Variants in RELN observed in about 807,000 individuals in gnomAD.
The protein encoded by RELN is reelin.
A neutral mutation model predicts 427.6 loss-of-function variants in RELN; 108 were observed. The ratio of observed to expected loss-of-function variants is 0.25; its 90% CI spans 0.22 to 0.30. The LOEUF is 0.30. Among genes scored for constraint, RELN ranks in the 10% least tolerant of loss-of-function variants. The probability of loss-of-function intolerance (pLI) is 1.00; values close to 1 mark genes in which losing one functional copy is unlikely to be tolerated. For missense variants in RELN, 3,715 were observed against 4,302.8 expected, an observed-to-expected ratio of 0.86 and a Z score of 3.82; for synonymous variants, 1,524 against 1,513.4, an observed-to-expected ratio of 1.01 and a Z score of -0.16.
In RELN at chr7:103,563,387, A is replaced by G. The variant is rs1391176999; in HGVS notation, c.5211-1434T>C. On this transcript the variant is annotated intron_variant, in intron 34 of 64. Coordinates refer to ENST00000428762, the MANE Select transcript of RELN (RefSeq NM_005045.4). This position sits in a 1 kb window ranked among gnomAD's most constrained non-coding sequence, Gnocchi z 4.1. ...GTGTATTTTTGTGTCTAAGTTTTTA[A>G]GAAAGAAGTTTTCAAAGTTAAAGTT... Among the ~76,000 whole-genome samples, 1 of 152,232 alleles carries G rather than the reference A, an allele frequency of 6.6e-6. No homozygotes were observed. The highest frequency in any genetic ancestry group is 2.4e-5 in the African/African-American group (1 of 41,462).
At chr7:103,962,046 TC>T (rs1796568166) in intron 1 of RELN, among the ~76,000 whole-genome samples, 4 of 152,182 alleles carry the variant, frequency 2.6e-5, no homozygotes, top group Admixed American at 2.6e-4. Flanking sequence ...TATTTCTTTT[TC>T]TTTTCCTTTT....
chr7:103,748,966 A>G (rs1296233135), intron 6 of RELN, among the ~76,000 whole-genome samples: 1 of 152,148 alleles, frequency 6.6e-6, no homozygotes, highest in African/African-American at 2.4e-5. Context: ...CTCATTATTT[A>G]TTTCCCCTCA....
chr7:103,906,364 T>G (rs1273608129), intron 2 of RELN, among the ~76,000 whole-genome samples: 1 of 152,124 alleles, frequency 6.6e-6, no homozygotes, highest in Admixed American at 6.5e-5. Context: ...ATAGTAGAAT[T>G]TTTTTTAGGA....
At chr7:103,645,836 T>C (rs916580381) in intron 16 of RELN, among the ~76,000 whole-genome samples, 3 of 151,870 alleles carry the variant, frequency 2.0e-5, no homozygotes, top group African/African-American at 7.2e-5. Flanking sequence ...TATACATTTT[T>C]CTCATGAGTG....
In RELN at chr7:103,773,156, CTTTCTT is replaced by C. The variant is rs1161095928; in HGVS notation, c.544+3395_544+3400del. Reference sequence around the variant, plus strand: ...TCTTTCTTTCTTTCTTTCTTTCTTTCTTTCTTTCTTTTTCTTTCTTTCCTTCTTTCT... The same window carrying C: ...TCTTTCTTTCTTTCTTTCTTTCTTTCTCTTTTTCTTTCTTTCCTTCTTTCT... On this transcript the variant is annotated intron_variant, in intron 4 of 64. Coordinates refer to ENST00000428762, the MANE Select transcript of RELN (RefSeq NM_005045.4). 1.6e-3 allele frequency among the ~76,000 whole-genome samples: 200 copies of C among 125,232 alleles called. 1 individual carries two copies. Among genetic ancestry groups the C allele is most frequent in the African/African-American group, 5.5e-3 (183 of 33,324 alleles). 82.2% of individuals were successfully genotyped at this position (125,232 alleles called of 152,430 possible).
chr7:103,838,211 A>G (rs1051308717), intron 2 of RELN, among the ~76,000 whole-genome samples: 61 of 26,704 alleles, frequency 2.3e-3, no homozygotes, highest in African/African-American at 6.7e-3. Context: ...TTCGTCTCAA[A>G]AAAAAAAAAA....
rs148209356 is a variant in RELN at position 103,646,515 on chromosome 7, A to T, written c.2002+3759T>A. Among the ~76,000 whole-genome samples, 282 of 152,080 alleles carry T rather than the reference A, an allele frequency of 1.9e-3. 1 individual carries two copies. Among genetic ancestry groups the T allele is most frequent in the African/African-American group, 6.1e-3 (254 of 41,536 alleles). Reference sequence around the variant, plus strand: ...CATCTTTATGTGCACAATCCAGAAAACCTAGAGAAAATGGATGCATTCCTG... The same window carrying T: ...CATCTTTATGTGCACAATCCAGAAATCCTAGAGAAAATGGATGCATTCCTG... On this transcript the variant is annotated intron_variant, in intron 16 of 64. Transcript: ENST00000428762.
At chr7:103,654,452 A>G (rs1170031529) in intron 12 of RELN, among the ~76,000 whole-genome samples, 1 of 152,116 alleles carries the variant, frequency 6.6e-6, no homozygotes, top group Admixed American at 6.6e-5. Context: ...GATTACTCAA[A>G]TAATTGTCTA....
At chr7:103,958,071 A>G (rs1441862157) in intron 1 of RELN, among the ~76,000 whole-genome samples, 6 of 152,138 alleles carry the variant, frequency 3.9e-5, no homozygotes, top group African/African-American at 1.4e-4. Context: ...TGAGCTATAC[A>G]ATGGGCAGAA....
At chr7:103,819,276 T>C (rs1379814424) in intron 3 of RELN, among the ~76,000 whole-genome samples, 1 of 152,092 alleles carries the variant, frequency 6.6e-6, no homozygotes, top group Non-Finnish European at 1.5e-5. Context: ...TTCTTTTAAA[T>C]TATAAGTCTA....
chr7:103,598,735 T>C (rs1243908475), intron 24 of RELN, among the ~76,000 whole-genome samples: 3 of 152,194 alleles, frequency 2.0e-5, no homozygotes, highest in African/African-American at 7.2e-5. Context: ...TCCTAGAGAA[T>C]AGCACAAATC....
At chr7:103,699,389 T>C (rs1417483042) in intron 9 of RELN, among the ~76,000 whole-genome samples, 3 of 152,156 alleles carry the variant, frequency 2.0e-5, no homozygotes, top group Non-Finnish European at 2.9e-5. Context: ...TCAAAAAGAA[T>C]TGAAATTGAT....
intron 42 of RELN, among the ~76,000 whole-genome samples, chr7:103,543,950 A>G (rs1199492491): frequency 1.3e-5 from 2 of 152,190 alleles, no homozygotes; most frequent in Non-Finnish European, 2.9e-5. Context: ...AACGCTGGCA[A>G]ATGATAATCT....
At chr7:103,669,636 A>G (rs1243068564) in intron 11 of RELN, among the ~76,000 whole-genome samples, 2 of 152,068 alleles carry the variant, frequency 1.3e-5, no homozygotes, top group Admixed American at 6.6e-5. Context: ...CAAATCTTTG[A>G]GACCAGTAGT....
intron 8 of RELN, among the ~76,000 whole-genome samples, chr7:103,718,045 A>C (rs567508976): frequency 2.5e-4 from 38 of 152,290 alleles, no homozygotes; most frequent in African/African-American, 9.1e-4. Flanking sequence ...TATCCTTTAC[A>C]TCTATTAAAG....
At chr7:103,876,339 G>A (rs1794477645) in intron 2 of RELN, among the ~76,000 whole-genome samples, 1 of 152,202 alleles carries the variant, frequency 6.6e-6, no homozygotes, top group South Asian at 2.1e-4. Flanking sequence ...AAGATATGGA[G>A]CAGTAATTTG....
chr7:103,750,901 T>C (rs1790982463), intron 5 of RELN, among the ~76,000 whole-genome samples: 1 of 152,182 alleles, frequency 6.6e-6, no homozygotes, highest in African/African-American at 2.4e-5. Context: ...ATTTTTAAGT[T>C]CTAGAAGAAC....
At chr7:103,937,170 A>C (rs957272738) in intron 1 of RELN, among the ~76,000 whole-genome samples, 4 of 152,232 alleles carry the variant, frequency 2.6e-5, no homozygotes, top group African/African-American at 9.6e-5. Context: ...TATCTGACAG[A>C]AGTGGGCACG....
intron 52 of RELN, among the ~76,000 whole-genome samples, chr7:103,501,985 C>A (rs1426026708): frequency 6.6e-6 from 1 of 152,192 alleles, no homozygotes; most frequent in Non-Finnish European, 1.5e-5. Context: ...AATAGCAAAA[C>A]CAGCCTGAGA....
Sources: allele counts gnomAD v4.1 joint callset (sites outside exome capture counted in the v4.1 genomes callset), GRCh38; gene constraint gnomAD v4.1.1; non-coding constraint Gnocchi (gnomAD v3.1); transcripts MANE v1.5; gene names NCBI Gene and HGNC (gene_info 2026-07-23, HGNC 2026-07-21).